The following BMPR1B variants were observed in gnomAD, a reference collection of about 807,000 sequenced individuals.
The protein encoded by BMPR1B is bone morphogenetic protein receptor type 1B, also known as bone morphogenetic protein receptor type-1B.
In BMPR1B, 12 loss-of-function variants were observed where a neutral mutation model predicts 59.1. The observed-to-expected ratio is 0.20, with a 90% CI of 0.13 to 0.33. The LOEUF is 0.33. BMPR1B is among the 10% of genes least tolerant of loss of function. BMPR1B has a pLI of 1.00. For missense variants in BMPR1B, 550 were observed against 610.9 expected, an observed-to-expected ratio of 0.90 and a Z score of 1.05; for synonymous variants, 237 against 207.3, an observed-to-expected ratio of 1.14 and a Z score of -1.23.
chr4:94,807,832 C>T (rs562762425), intron 1 of BMPR1B, among the ~76,000 whole-genome samples: 132 of 152,148 alleles, frequency 8.7e-4, no homozygotes, highest in African/African-American at 3.0e-3. Flanking sequence ...TTACAGGCGC[C>T]TGCCACCATG....
chr4:94,966,462 A>G (rs1407088069), intron 2 of BMPR1B, among the ~76,000 whole-genome samples: 1 of 152,208 alleles, frequency 6.6e-6, no homozygotes, highest in Non-Finnish European at 1.5e-5. Flanking sequence ...TTAAGTACCC[A>G]TGGAAAAACT....
intron 7 of BMPR1B, 81 bp from the exon 8 acceptor site, chr4:95,124,902 G>T (rs959493118): frequency 1.5e-6 from 2 of 1,348,268 alleles, no homozygotes; most frequent in East Asian, 2.3e-5. Context: ...TAAAACTGCT[G>T]TGATTACCAT....
At chr4:95,023,458 T>C (rs1724133284) in intron 3 of BMPR1B, among the ~76,000 whole-genome samples, 2 of 152,164 alleles carry the variant, frequency 1.3e-5, no homozygotes, top group South Asian at 2.1e-4. Context: ...CATGGGTCAC[T>C]GCAGCCTGAA....
At chr4:94,973,120 G>A (rs1416618498) in intron 2 of BMPR1B, among the ~76,000 whole-genome samples, 3 of 152,182 alleles carry the variant, frequency 2.0e-5, no homozygotes, top group Non-Finnish European at 4.4e-5. Flanking sequence ...CAGCATCTAG[G>A]TGGGGTTGCC....
In BMPR1B at chr4:94,830,463, G is replaced by C. The variant is rs571717251; in HGVS notation, c.-182-45368G>C. ...TTTTTGAATCACTGGTTTTCGTTAA[G>C]TGGCATCATAGATGAGATTTGATTC... On this transcript the variant is annotated intron_variant, in intron 1 of 12. Coordinates refer to ENST00000515059, the MANE Select transcript of BMPR1B (RefSeq NM_001203.3). Among the ~76,000 whole-genome samples the C allele has an allele frequency of 2.0e-5, 3 of 152,022 alleles. No homozygotes were observed. In the South Asian group the frequency reaches 6.2e-4, roughly 32 times the overall value.
At chr4:94,989,356 T>G (rs1354792668) in intron 2 of BMPR1B, among the ~76,000 whole-genome samples, 1 of 146,572 alleles carries the variant, frequency 6.8e-6, no homozygotes, top group Admixed American at 7.0e-5. Context: ...GCTACTGCAC[T>G]CCAGCCTGGT....
intron 2 of BMPR1B, among the ~76,000 whole-genome samples, chr4:94,927,126 A>G (rs926043761): frequency 1.3e-5 from 2 of 152,160 alleles, no homozygotes; most frequent in African/African-American, 2.4e-5. Context: ...GAAAGGGACA[A>G]TAAAAGCTCT....
intron 3 of BMPR1B, among the ~76,000 whole-genome samples, chr4:95,052,312 G>T (rs1434416859): frequency 6.6e-6 from 1 of 152,044 alleles, no homozygotes; most frequent in African/African-American, 2.4e-5. Flanking sequence ...TTGTTCAGAA[G>T]AATTATTATT....
At chr4:94,879,992 AG>A (rs1361563146) in intron 2 of BMPR1B, among the ~76,000 whole-genome samples, 1 of 152,200 alleles carries the variant, frequency 6.6e-6, no homozygotes, top group Non-Finnish European at 1.5e-5. Flanking sequence ...GGTATCTAAG[AG>A]AAGTGATTAT....
At chr4:95,068,861 C>G (rs1035933425) in intron 3 of BMPR1B, among the ~76,000 whole-genome samples, 5 of 152,148 alleles carry the variant, frequency 3.3e-5, no homozygotes, top group Non-Finnish European at 5.9e-5. Flanking sequence ...TATGAAGTAC[C>G]TTCAAAGTAC....
chr4:94,978,955 C>CAT (rs1731132100), intron 2 of BMPR1B, among the ~76,000 whole-genome samples: 1 of 151,440 alleles, frequency 6.6e-6, no homozygotes, highest in Admixed American at 6.6e-5. Flanking sequence ...TACATACACA[C>CAT]ACACACACAC....
At chr4:94,839,753 C>T (rs1724975795) in intron 1 of BMPR1B, among the ~76,000 whole-genome samples, 1 of 136,574 alleles carries the variant, frequency 7.3e-6, no homozygotes, top group Non-Finnish European at 1.6e-5. Flanking sequence ...GCATTTAGTC[C>T]ATTTACATTT....
chr4:94,988,877 G>A (rs1414971860), intron 2 of BMPR1B, among the ~76,000 whole-genome samples: 1 of 151,752 alleles, frequency 6.6e-6, no homozygotes, highest in Non-Finnish European at 1.5e-5. Flanking sequence ...GAAAAGAAAA[G>A]GATAAAAACA....
chr4:94,861,978 A>G (rs1725994577), intron 1 of BMPR1B, among the ~76,000 whole-genome samples: 1 of 152,050 alleles, frequency 6.6e-6, no homozygotes, highest in Non-Finnish European at 1.5e-5. Flanking sequence ...ATTTGACTTT[A>G]GTTGTAAGGA....
chr4:95,081,728 G>A (rs1729153837), intron 3 of BMPR1B, among the ~76,000 whole-genome samples: 1 of 152,108 alleles, frequency 6.6e-6, no homozygotes, highest in South Asian at 2.1e-4. Flanking sequence ...CAATTTTAGT[G>A]TATATTAAAG....
At chr4:95,133,435 A>T (rs957488563) in intron 10 of BMPR1B, among the ~76,000 whole-genome samples, 1 of 152,098 alleles carries the variant, frequency 6.6e-6, no homozygotes, top group Non-Finnish European at 1.5e-5. Context: ...CTTTGGCAAG[A>T]TTTATTCTGA....
intron 1 of BMPR1B, among the ~76,000 whole-genome samples, chr4:94,759,714 G>A (rs4699361): frequency 6.6e-6 from 1 of 152,044 alleles, no homozygotes; most frequent in African/African-American, 2.4e-5. Context: ...CATGAGACAT[G>A]CCGGTGATCA....
At chr4:94,773,033 T>C (rs1054910652) in intron 1 of BMPR1B, among the ~76,000 whole-genome samples, 1 of 152,194 alleles carries the variant, frequency 6.6e-6, no homozygotes, top group Non-Finnish European at 1.5e-5. Context: ...ATTTTTCGTT[T>C]GTAATTTTTC....
At chr4:95,064,150 C>T (rs1727624686) in intron 3 of BMPR1B, among the ~76,000 whole-genome samples, 2 of 151,700 alleles carry the variant, frequency 1.3e-5, no homozygotes, top group African/African-American at 4.8e-5. Context: ...GATATGACAC[C>T]AAAAGCAAAA....
Sources: gnomAD v4.1 joint callset for allele counts (sites outside exome capture counted in the v4.1 genomes callset) on GRCh38, gnomAD v4.1.1 for gene constraint, MANE v1.5 for transcripts, NCBI Gene and HGNC (gene_info 2026-07-23, HGNC 2026-07-21) for gene names.